Variants in TUBD1 observed in about 807,000 individuals in gnomAD.
The protein encoded by TUBD1 is tubulin delta chain.
TUBD1 carries 38 observed loss-of-function variants against 51.2 expected under a neutral mutation model. The ratio of observed to expected loss-of-function variants is 0.74; its 90% confidence interval spans 0.57 to 0.97. The LOEUF (loss-of-function observed/expected upper bound fraction) is 0.97, where lower values mean the gene tolerates loss of function less well. Ranked by LOEUF, TUBD1 falls within the 50% of genes least tolerant of loss-of-function variation. The pLI is 0.00. For missense variants in TUBD1, 489 were observed against 538.4 expected, an observed-to-expected ratio of 0.91 and a Z score of 0.91; for synonymous variants, 169 against 178.2, an observed-to-expected ratio of 0.95 and a Z score of 0.41.
intron 5 of TUBD1, among the ~76,000 whole-genome samples, chr17:59,877,476 C>T (rs111607337): frequency 0.012 from 1,824 of 152,308 alleles, 18 homozygotes; most frequent in Non-Finnish European, 0.021. Flanking sequence ...TTCAGTCTGG[C>T]TGCTGTACTT....
chr17:59,873,763 G>A (rs1247773900), intron 6 of TUBD1, among the ~76,000 whole-genome samples: 1 of 152,158 alleles, frequency 6.6e-6, no homozygotes, highest in East Asian at 1.9e-4. Context: ...TCCTTGGGAG[G>A]CTGAGGCAGA....
chr17:59,865,183 A>T (rs1160485924), intron 7 of TUBD1, among the ~76,000 whole-genome samples: 2 of 152,166 alleles, frequency 1.3e-5, no homozygotes, highest in African/African-American at 4.8e-5. Context: ...TCACAACAAG[A>T]AGTAGCAAAC....
rs765664179 is a variant in TUBD1 at position 59,866,769 on chromosome 17, G to A, written c.935-20C>T. 18 of 1,572,286 alleles carry A rather than the reference G, an allele frequency of 1.1e-5. No homozygotes were observed. In the Admixed American group the frequency reaches 3.6e-4, roughly 31 times the overall value. ...CAATACCTACCAAAAGAAAAAAAAAGCAAGAGGTTTTATTTTATTTACTTA... is the reference window on the plus strand; with the variant it reads ...CAATACCTACCAAAAGAAAAAAAAAACAAGAGGTTTTATTTTATTTACTTA... On this transcript the variant is annotated intron_variant, in intron 6 of 8. Transcript: ENST00000325752.
At chr17:59,889,559 C>A (rs943798955) in intron 2 of TUBD1, among the ~76,000 whole-genome samples, 3 of 149,946 alleles carry the variant, frequency 2.0e-5, no homozygotes, top group Admixed American at 6.7e-5. Context: ...GTCCCAGCTA[C>A]TCATGAGGCT....
intron 2 of TUBD1, among the ~76,000 whole-genome samples, chr17:59,888,298 A>C (rs1280021412): frequency 6.6e-6 from 1 of 152,196 alleles, no homozygotes; most frequent in Admixed American, 6.6e-5. Flanking sequence ...CCAGGCAAGG[A>C]ATCCTAAAAG....
chr17:59,866,884 A>C, intron 6 of TUBD1, 135 bp from the exon 7 acceptor site: 1 of 665,824 alleles, frequency 1.5e-6, no homozygotes, highest in Non-Finnish European at 2.5e-6. Flanking sequence ...CCCAGGATCA[A>C]GCGATTCTCC....
chr17:59,889,120 T>C (rs908546352), intron 2 of TUBD1, among the ~76,000 whole-genome samples: 2 of 150,150 alleles, frequency 1.3e-5, no homozygotes, highest in African/African-American at 4.9e-5. Flanking sequence ...TTCAAGTGAT[T>C]CTCCTGCCTC....
At chr17:59,865,322 C>T (rs564009613) in intron 7 of TUBD1, among the ~76,000 whole-genome samples, 13 of 151,626 alleles carry the variant, frequency 8.6e-5, no homozygotes, top group African/African-American at 3.1e-4. Flanking sequence ...TATGGGAGGC[C>T]GAGGCAGGTG....
At chr17:59,870,644 G>A (rs934436493) in intron 6 of TUBD1, among the ~76,000 whole-genome samples, 2 of 152,148 alleles carry the variant, frequency 1.3e-5, no homozygotes, top group Non-Finnish European at 2.9e-5. Context: ...AACAGTCCAT[G>A]TCTTCCCCGT....
At chr17:59,871,965 T>C (rs1441643896) in intron 6 of TUBD1, among the ~76,000 whole-genome samples, 4 of 151,716 alleles carry the variant, frequency 2.6e-5, no homozygotes, top group African/African-American at 4.8e-5. Flanking sequence ...CCAGCATTTT[T>C]TTTTTTGAGA....
chr17:59,866,430 C>G (rs1192323141), intron 7 of TUBD1, among the ~76,000 whole-genome samples, 179 bp downstream of exon 7: 1 of 151,942 alleles, frequency 6.6e-6, no homozygotes, highest in East Asian at 1.9e-4. Flanking sequence ...TTGTTTAAAC[C>G]ACTTCTATAT....
chr17:59,867,353 C>A (rs1167533274), intron 6 of TUBD1, among the ~76,000 whole-genome samples: 2 of 152,062 alleles, frequency 1.3e-5, no homozygotes, highest in East Asian at 1.9e-4. Context: ...TCTACCAATT[C>A]TCCTATGCCT....
At chr17:59,884,489 C>T (rs576612690) in intron 3 of TUBD1, among the ~76,000 whole-genome samples, 233 of 152,008 alleles carry the variant, frequency 1.5e-3, no homozygotes, top group African/African-American at 4.7e-3. Context: ...TGGCAGGTAC[C>T]TGTAATTCCA....
Position 59,869,584 on chromosome 17 carries a change from G to A in TUBD1, c.935-2835C>T, listed in dbSNP as rs575752097. ...GACCTAAGAGAGCTCAGAGCAGCAT[G>A]TCTCACATGACTCTAAGGAACATTG... On this transcript the variant is annotated intron_variant, in intron 6 of 8. Transcript: ENST00000325752. 5.3e-5 allele frequency among the ~76,000 whole-genome samples: 8 copies of A among 152,236 alleles called. No homozygotes were observed. In the East Asian group the frequency reaches 1.3e-3, roughly 26 times the overall value.
intron 2 of TUBD1, among the ~76,000 whole-genome samples, chr17:59,888,590 G>A (rs951719536): frequency 9.2e-5 from 14 of 152,166 alleles, no homozygotes; most frequent in African/African-American, 1.2e-4. Context: ...AGTCACAGGT[G>A]TAATAAATGT....
At chr17:59,884,023 G>A (rs1194517269) in intron 3 of TUBD1, among the ~76,000 whole-genome samples, 2 of 152,100 alleles carry the variant, frequency 1.3e-5, no homozygotes, top group Non-Finnish European at 2.9e-5. Context: ...CACTTTGGGA[G>A]GCGGAGGTGG....
chr17:59,867,096 A>G (rs1167276458), intron 6 of TUBD1, among the ~76,000 whole-genome samples: 2 of 152,042 alleles, frequency 1.3e-5, no homozygotes, highest in Non-Finnish European at 2.9e-5. Context: ...CACCCAGCCC[A>G]AAAGCAAGAG....
intron 8 of TUBD1, among the ~76,000 whole-genome samples, chr17:59,863,393 G>A (rs568920078): frequency 4.9e-4 from 75 of 152,210 alleles, no homozygotes; most frequent in South Asian, 4.8e-3. Context: ...GGCAGATCCC[G>A]AGGTCAGAAG....
chr17:59,864,126 A>C (rs2039590425), intron 7 of TUBD1, among the ~76,000 whole-genome samples: 1 of 151,862 alleles, frequency 6.6e-6, no homozygotes, highest in Non-Finnish European at 1.5e-5. Context: ...ATTCTTCTTA[A>C]CACTTTTCTG....
Sources: allele counts gnomAD v4.1 joint callset (sites outside exome capture counted in the v4.1 genomes callset), GRCh38; gene constraint gnomAD v4.1.1; transcripts MANE v1.5; gene names NCBI Gene and HGNC (gene_info 2026-07-23, HGNC 2026-07-21).